The following MSMO1 variants were observed in gnomAD, a reference collection of about 807,000 sequenced individuals.
The protein encoded by MSMO1 is C-4 methylsterol oxidase.
MSMO1 carries 18 observed loss-of-function variants against 30.4 expected under a neutral mutation model. The ratio of observed to expected loss-of-function variants is 0.59; its 90% confidence interval spans 0.41 to 0.88. MSMO1 has a LOEUF of 0.88. Among genes scored for constraint, MSMO1 ranks in the 40% least tolerant of loss-of-function variants. MSMO1 has a pLI of 0.00. For synonymous variants in MSMO1, 84 were observed against 107.9 expected (o/e 0.78, Z 1.37); for missense variants, 284 against 340.5 (o/e 0.83, Z 1.31).
In MSMO1 at chr4:165,342,943, T is replaced by G. The variant is rs1747755865; in HGVS notation, c.*997T>G. 2 of 152,656 alleles carry G rather than the reference T, an allele frequency of 1.3e-5. No homozygotes were observed. Among genetic ancestry groups the G allele is most frequent in the Admixed American group, 6.5e-5 (1 of 15,284 alleles). The allele number at this position is 152,656 out of a possible 1,614,324, so 9.5% of individuals were successfully genotyped here. On this transcript the variant is annotated 3_prime_UTR_variant, in exon 6 of 6. Coordinates refer to ENST00000261507, the MANE Select transcript of MSMO1 (RefSeq NM_006745.5). ...TTTTTTAAAAATTGAGGAGCTTTAT[T>G]TCTATTTACCCTTCCATTTTTGTAT...
chr4:165,328,579 C>G (rs1054827255), intron 1 of MSMO1, among the ~76,000 whole-genome samples: 47 of 152,308 alleles, frequency 3.1e-4, no homozygotes, highest in African/African-American at 1.0e-3. Flanking sequence ...CAGAGACTGG[C>G]TGACAGCTAA....
chr4:165,340,465 T>A, intron 5 of MSMO1, 90 bp downstream of exon 5: 1 of 1,086,692 alleles, frequency 9.2e-7, no homozygotes, highest in Non-Finnish European at 1.4e-6. Context: ...AGGAGACTAA[T>A]AGGAGAAGTT....
At chr4:165,340,093 A>G (rs898082891) in intron 4 of MSMO1, 128 bp from the exon 5 acceptor site, 4 of 768,302 alleles carry the variant, frequency 5.2e-6, no homozygotes, top group Non-Finnish European at 8.6e-6. Flanking sequence ...TCTAAAAAAT[A>G]CCTTCACAAC....
Position 165,341,813 on chromosome 4 carries a change from A to G in MSMO1, c.749A>G (p.His250Arg). 1 of 1,613,768 alleles carries G rather than the reference A, an allele frequency of 6.2e-7. No homozygotes were observed. The highest frequency in any genetic ancestry group is 8.5e-7 in the Non-Finnish European group (1 of 1,179,736). Residue 250 changes from histidine (H) to arginine (R), a missense_variant, in exon 6 of 6, where the codon CAT (histidine) becomes CGT (arginine). By Grantham distance (29) the His-to-Arg change is conservative. Transcript: ENST00000261507. Reference protein sequence around the residue: ...LIPFYAGSRHHDFHHMNFIGN... With the variant: ...LIPFYAGSRHRDFHHMNFIGN... ...CCTTTCTATGCTGGTTCTCGGCATCATGATTTCCACCACATGAACTTCATT... is the reference window on the plus strand; with the variant it reads ...CCTTTCTATGCTGGTTCTCGGCATCGTGATTTCCACCACATGAACTTCATT...
chr4:165,334,014 C>T (rs1204925861), intron 2 of MSMO1, among the ~76,000 whole-genome samples: 4 of 152,086 alleles, frequency 2.6e-5, no homozygotes, highest in African/African-American at 9.7e-5. Flanking sequence ...GTCCTAGCTA[C>T]TTATGAGGCT....
At chr4:165,341,031 A>T in intron 5 of MSMO1, among the ~76,000 whole-genome samples, 1 of 136,368 alleles carries the variant, frequency 7.3e-6, no homozygotes, top group African/African-American at 2.6e-5. Context: ...TGTAATTGAC[A>T]TTTCTTTCTT....
In MSMO1 at chr4:165,333,508, G is replaced by A. The variant is rs1389371486; in HGVS notation, c.138G>A (p.Lys46=). ...AWNYMLNNYT[K]FQIATWGSLI... is the part of the protein sequence containing the mutation. ...ACTATATGTTGAATAATTATACAAA[G>A]TTCCAGATTGCAACATGGGGATCCC... is the stretch of plus-strand genomic sequence containing the variant. The change falls in exon 2 of 6, where the codon AAG becomes AAA. Residue 46 remains lysine, a synonymous_variant. Coordinates refer to ENST00000261507, the MANE Select transcript of MSMO1 (RefSeq NM_006745.5). 24 of 1,613,554 alleles carry A rather than the reference G, an allele frequency of 1.5e-5. No individual in the cohort carries two copies. The highest frequency in any genetic ancestry group is 1.9e-5 in the Non-Finnish European group (23 of 1,179,746).
chr4:165,336,509 A>T (rs1747549338), intron 2 of MSMO1, among the ~76,000 whole-genome samples: 1 of 152,204 alleles, frequency 6.6e-6, no homozygotes, highest in Non-Finnish European at 1.5e-5. Flanking sequence ...AATTTCTGTA[A>T]CTGCATCGAT....
At chr4:165,339,004 C>T (rs780019796) in intron 4 of MSMO1, among the ~76,000 whole-genome samples, 1 of 150,122 alleles carries the variant, frequency 6.7e-6, no homozygotes, top group Admixed American at 6.6e-5. Context: ...TATGAAAGTT[C>T]GGACTTCCAT....
At chr4:165,328,834 G>T (rs796171685) in intron 1 of MSMO1, among the ~76,000 whole-genome samples, 2 of 152,122 alleles carry the variant, frequency 1.3e-5, no homozygotes, top group African/African-American at 4.8e-5. Context: ...TCTAAATTGG[G>T]TAAGAGTTTG....
chr4:165,328,558 GT>G, intron 1 of MSMO1, among the ~76,000 whole-genome samples: 1 of 152,332 alleles, frequency 6.6e-6, no homozygotes, highest in African/African-American at 2.4e-5. Flanking sequence ...CCGTGTTAAA[GT>G]GCCAAAGGAC....
chr4:165,328,142 G>C (rs1245797877), intron 1 of MSMO1: 2 of 152,350 alleles, frequency 1.3e-5, no homozygotes, highest in African/African-American at 2.4e-5. Context: ...AGTGTGCTTT[G>C]GGAGTAGTGG....
Position 165,337,899 on chromosome 4 carries a change from T to C in MSMO1, c.366T>C (p.Tyr122=), listed in dbSNP as rs574948159. 6.2e-7 allele frequency: 1 copy of C among 1,613,614 alleles called. No homozygotes were observed. Among genetic ancestry groups the C allele is most frequent in the Admixed American group, 1.7e-5 (1 of 60,010 alleles). ...GTGGAACCTATTATTTTACAGAGTATTTCAATATTCCTTATGATTGGGAAA... is the reference window on the plus strand; with the variant it reads ...GTGGAACCTATTATTTTACAGAGTACTTCAATATTCCTTATGATTGGGAAA... ...LICGTYYFTE[Y]FNIPYDWERM... is the part of the protein sequence containing the mutation. The change falls in exon 3 of 6, where the codon TAT becomes TAC. Residue 122 remains tyrosine (Y), a synonymous_variant. Coordinates refer to ENST00000261507, the MANE Select transcript of MSMO1 (RefSeq NM_006745.5).
At chr4:165,337,716 C>T in intron 2 of MSMO1, 73 bp from the exon 3 acceptor site, 1 of 1,474,366 alleles carries the variant, frequency 6.8e-7, no homozygotes, top group South Asian at 1.1e-5. Context: ...CCAACATAAA[C>T]AGAGAACAAA....
Position 165,338,730 on chromosome 4 carries a change from C to T in MSMO1, c.483C>T (p.His161=). The change falls in exon 4 of 6, where the codon CAC becomes CAT. Residue 161 remains histidine, a synonymous_variant. Coordinates refer to ENST00000261507, the MANE Select transcript of MSMO1 (RefSeq NM_006745.5). ...TWHYFLHRLL[H]HKRIYKYIHK... ...ACTATTTTCTGCATAGACTCTTACA[C>T]CACAAAAGAATATACAAGTATATTC... 3 of 1,595,646 alleles carry T rather than the reference C, an allele frequency of 1.9e-6. No homozygotes were observed. The highest frequency in any genetic ancestry group is 1.1e-5 in the South Asian group (1 of 90,638).
chr4:165,342,651 C>T lies in MSMO1; in HGVS notation c.*705C>T, dbSNP rs1253839707. The T allele has an allele frequency of 2.0e-5, 3 of 152,246 alleles. No individual in the cohort carries two copies. Among genetic ancestry groups the T allele is most frequent in the African/African-American group, 7.2e-5 (3 of 41,426 alleles). 9.4% of individuals were successfully genotyped at this position (152,246 alleles called of 1,614,324 possible). A position where few individuals can be genotyped will look rare whatever the true frequency, so the allele number is the denominator to read the frequency against. On this transcript the variant is annotated 3_prime_UTR_variant, in exon 6 of 6. Coordinates refer to ENST00000261507, the MANE Select transcript of MSMO1 (RefSeq NM_006745.5). Reference sequence around the variant, plus strand: ...GGATTACAGGTGTAAGCCACTGCGCCCGGCCTTTTTAACTTTAAACATGTT... The same window carrying T: ...GGATTACAGGTGTAAGCCACTGCGCTCGGCCTTTTTAACTTTAAACATGTT...
chr4:165,330,539 G>A (rs1747361077), intron 1 of MSMO1, among the ~76,000 whole-genome samples: 1 of 152,242 alleles, frequency 6.6e-6, no homozygotes, highest in African/African-American at 2.4e-5. Context: ...GGACTAGTAA[G>A]TGGTCTTGGT....
chr4:165,334,345 G>A (rs1171144287), intron 2 of MSMO1, among the ~76,000 whole-genome samples: 2 of 152,174 alleles, frequency 1.3e-5, no homozygotes, highest in African/African-American at 2.4e-5. Context: ...AAGTAGATGT[G>A]ATGGTTATCT....
chr4:165,335,869 A>G (rs895089402), intron 2 of MSMO1, among the ~76,000 whole-genome samples: 22 of 152,334 alleles, frequency 1.4e-4, no homozygotes, highest in African/African-American at 5.1e-4. Flanking sequence ...ATTTTTGATA[A>G]AAAATGTGAT....
Sources: allele counts gnomAD v4.1 joint callset (sites outside exome capture counted in the v4.1 genomes callset), GRCh38; gene constraint gnomAD v4.1.1; transcripts MANE v1.5; gene names NCBI Gene and HGNC (gene_info 2026-07-23, HGNC 2026-07-21).